GREB1L: variants seen among roughly 807,000 people sequenced by gnomAD.
GREB1L encodes GREB1 like retinoic acid receptor coactivator.
A neutral mutation model predicts 200.8 loss-of-function variants in GREB1L; 17 were observed. That is an observed-to-expected ratio of 0.08 (90% CI 0.06 to 0.13). The LOEUF is 0.13. GREB1L is among the 10% of genes least tolerant of loss of function. The pLI is 1.00. For synonymous variants in GREB1L, 789 were observed against 893.0 expected (o/e 0.88, Z 2.08); for missense variants, 1,657 against 2,367.7 (o/e 0.70, Z 6.23).
chr18:21,426,973 C>CAAAAAAAAAAAAAAAAAA, intron 7 of GREB1L, among the ~76,000 whole-genome samples: 1 of 83,804 alleles, frequency 1.2e-5, no homozygotes, highest in Non-Finnish European at 3.4e-5. Flanking sequence ...AAAAAAAAAA[C>CAAAAAAAAAAAAAAAAAA]AAAAAAAAAA....
rs577780852 is a variant in GREB1L, at chr18:21,428,114, C to T, written c.833-11407C>T. On this transcript the variant is annotated intron_variant, in intron 7 of 32. Transcript: ENST00000424526. ...CTGAGGCAGGAGAATGGCGTGAACC[C>T]GGGAAGCGGAGCTTGCAGTGAGCCG... is the stretch of plus-strand genomic sequence containing the variant. Among the ~76,000 whole-genome samples, 275 of 141,502 alleles carry T rather than the reference C, an allele frequency of 1.9e-3. 2 individuals carry two copies. Among genetic ancestry groups the T allele is most frequent in the Admixed American group, 2.2e-3 (29 of 13,172 alleles). The allele number at this position is 141,502 out of a possible 152,430, so 92.8% of individuals were successfully genotyped here. A position where few individuals can be genotyped will look rare whatever the true frequency, so the allele number is the denominator to read the frequency against.
At chr18:21,440,164 A>C in intron 8 of GREB1L, 105 bp from the exon 9 acceptor site, 1 of 1,200,670 alleles carries the variant, frequency 8.3e-7, no homozygotes, top group East Asian at 2.6e-5. Context: ...AGTATAATCA[A>C]ATTAAAGGTT....
Position 21,515,404 on chromosome 18 carries a change from C to G in GREB1L, c.4902-13C>G. 6.6e-7 allele frequency: 1 copy of G among 1,512,630 alleles called. No homozygotes were observed. Among genetic ancestry groups the G allele is most frequent in the Non-Finnish European group, 9.0e-7 (1 of 1,111,740 alleles). The allele number at this position is 1,512,630 out of a possible 1,614,324, so 93.7% of individuals were successfully genotyped here. On this transcript the variant is annotated splice_polypyrimidine_tract_variant and intron_variant, in intron 28 of 32. Transcript: ENST00000424526. ...AATATTTATCAACATCTTATATAAA[C>G]TATATTTCATAGCCAGCCCATGGAA...
intron 1 of GREB1L, among the ~76,000 whole-genome samples, chr18:21,262,716 C>T (rs1422576779): frequency 6.6e-6 from 1 of 152,100 alleles, no homozygotes; most frequent in Non-Finnish European, 1.5e-5. Context: ...GGTTACAAAA[C>T]CTAGAAGTTC....
intron 15 of GREB1L, among the ~76,000 whole-genome samples, chr18:21,467,885 C>T (rs921534181): frequency 7.9e-5 from 12 of 152,002 alleles, no homozygotes; most frequent in African/African-American, 1.9e-4. Context: ...ATTAGCTGGG[C>T]GTGGTGGCAT....
chr18:21,393,413 C>T (rs916203927), intron 4 of GREB1L, among the ~76,000 whole-genome samples: 19 of 152,072 alleles, frequency 1.2e-4, no homozygotes, highest in African/African-American at 4.1e-4. Context: ...TCCCCTGCCT[C>T]AGCCTCCCAA....
chr18:21,405,892 T>C (rs959413349), intron 7 of GREB1L, among the ~76,000 whole-genome samples: 57 of 151,912 alleles, frequency 3.8e-4, no homozygotes, highest in African/African-American at 1.3e-3. Context: ...CTTTAGTAGG[T>C]AGGCCTAGGC....
intron 2 of GREB1L, among the ~76,000 whole-genome samples, chr18:21,371,978 TAGGTGGGTAC>T (rs2039892975): frequency 6.6e-6 from 1 of 151,746 alleles, no homozygotes; most frequent in Non-Finnish European, 1.5e-5. Context: ...ATACTAGGAG[TAGGTGGGTAC>T]AGGATTTGAA....
chr18:21,281,420 C>T (rs1306334076), intron 1 of GREB1L, among the ~76,000 whole-genome samples: 1 of 152,108 alleles, frequency 6.6e-6, no homozygotes, highest in African/African-American at 2.4e-5. Flanking sequence ...TTAAAAACCT[C>T]TTTACTATAC....
At chr18:21,306,841 CAG>C (rs1567930244) in intron 1 of GREB1L, among the ~76,000 whole-genome samples, 1 of 152,096 alleles carries the variant, frequency 6.6e-6, no homozygotes, top group African/African-American at 2.4e-5. Context: ...GAGAAGAAAA[CAG>C]AAAGATCTTT....
chr18:21,455,255 G>C (rs1311186399), intron 15 of GREB1L: 1 of 152,074 alleles, frequency 6.6e-6, no homozygotes, highest in South Asian at 2.1e-4. Flanking sequence ...GCTTGCCTTT[G>C]TAAACTAGGT....
intron 23 of GREB1L, among the ~76,000 whole-genome samples, 199 bp downstream of exon 23, chr18:21,500,841 G>A (rs952905700): frequency 6.6e-5 from 10 of 152,298 alleles, no homozygotes; most frequent in Non-Finnish European, 1.3e-4. Flanking sequence ...GGTCAAGGCG[G>A]GTGGATCACC....
intron 2 of GREB1L, among the ~76,000 whole-genome samples, chr18:21,373,155 C>G (rs1461619479): frequency 6.6e-6 from 1 of 152,092 alleles, no homozygotes; most frequent in African/African-American, 2.4e-5. Context: ...CATCATCTCA[C>G]TGCCTCACTT....
Position 21,496,435 on chromosome 18 carries a change from C to G in GREB1L, c.3147-19C>G. On this transcript the variant is annotated intron_variant, in intron 20 of 32. Coordinates refer to ENST00000424526, the MANE Select transcript of GREB1L (RefSeq NM_001142966.3). ...CCTGGCCAGATAGACTCACCAACAA[C>G]ACAATTACTTTTGTTCAGGTCTTTG... 1 of 1,551,410 alleles carries G rather than the reference C, an allele frequency of 6.4e-7. No homozygotes were observed. The highest frequency in any genetic ancestry group is 8.7e-7 in the Non-Finnish European group (1 of 1,146,830).
intron 1 of GREB1L, among the ~76,000 whole-genome samples, chr18:21,250,147 C>A (rs2037677868): frequency 6.6e-6 from 1 of 152,036 alleles, no homozygotes; most frequent in South Asian, 2.1e-4. Flanking sequence ...GGCCTGGGAG[C>A]AGATGGGGAG....
chr18:21,328,720 A>T (rs2039062511), intron 1 of GREB1L, among the ~76,000 whole-genome samples: 1 of 152,140 alleles, frequency 6.6e-6, no homozygotes, highest in East Asian at 1.9e-4. Context: ...GTGTCTCAAG[A>T]TGAACTCCCA....
intron 1 of GREB1L, among the ~76,000 whole-genome samples, chr18:21,244,986 T>C (rs1244978028): frequency 6.6e-6 from 1 of 152,206 alleles, no homozygotes. Flanking sequence ...GAACATCCCT[T>C]ATAGCTAAGA....
intron 1 of GREB1L, among the ~76,000 whole-genome samples, chr18:21,283,804 A>G (rs535292765): frequency 6.6e-6 from 1 of 152,320 alleles, no homozygotes; most frequent in African/African-American, 2.4e-5. Context: ...ATCTTGTTCA[A>G]TGGACAAGTT....
intron 1 of GREB1L, among the ~76,000 whole-genome samples, chr18:21,356,766 C>G (rs1392668107): frequency 1.3e-5 from 2 of 152,174 alleles, no homozygotes; most frequent in Non-Finnish European, 2.9e-5. Flanking sequence ...TCTGTAATGG[C>G]TGTACCAATT....
Sources: allele counts gnomAD v4.1 joint callset (sites outside exome capture counted in the v4.1 genomes callset), GRCh38; gene constraint gnomAD v4.1.1; transcripts MANE v1.5; gene names NCBI Gene and HGNC (gene_info 2026-07-23, HGNC 2026-07-21).